Variants in SPIRE1 observed in about 807,000 individuals in gnomAD.
SPIRE1 encodes the protein spire type actin nucleation factor 1, also known as protein spire homolog 1.
A neutral mutation model predicts 94.1 loss-of-function variants in SPIRE1; 40 were observed. The observed-to-expected ratio is 0.43, with a 90% confidence interval of 0.33 to 0.55. The LOEUF (loss-of-function observed/expected upper bound fraction) is 0.55, where lower values mean the gene tolerates loss of function less well. Ranked by LOEUF, SPIRE1 falls within the 20% of genes least tolerant of loss-of-function variation. The probability of loss-of-function intolerance (pLI) is 0.06; values close to 1 mark genes in which losing one functional copy is unlikely to be tolerated. For synonymous variants in SPIRE1, 376 were observed against 371.7 expected, an observed-to-expected ratio of 1.01 and a Z score of -0.13; for missense variants, 838 against 975.2, an observed-to-expected ratio of 0.86 and a Z score of 1.87.
intron 1 of SPIRE1, among the ~76,000 whole-genome samples, chr18:12,653,877 C>T (rs1046070235): frequency 1.3e-5 from 2 of 150,988 alleles, no homozygotes; most frequent in Non-Finnish European, 2.9e-5. Flanking sequence ...ACCCGGGAGG[C>T]GGAAGTGGCA....
At chr18:12,532,368 T>C (rs928730408) in intron 4 of SPIRE1, among the ~76,000 whole-genome samples, 2 of 152,232 alleles carry the variant, frequency 1.3e-5, no homozygotes, top group African/African-American at 4.8e-5. Context: ...ATAAGAAATT[T>C]AGTATAATTA....
intron 16 of SPIRE1, chr18:12,451,041 A>T: frequency 2.0e-6 from 1 of 494,312 alleles, no homozygotes; most frequent in Non-Finnish European, 3.6e-6. Context: ...GAGGAGGAGG[A>T]GGAGGAGGAT....
intron 2 of SPIRE1, among the ~76,000 whole-genome samples, chr18:12,556,458 C>T (rs991177689): frequency 2.6e-5 from 4 of 152,164 alleles, no homozygotes; most frequent in African/African-American, 9.7e-5. Context: ...TTCTTGGTCT[C>T]GCTGACTTCA....
chr18:12,568,075 A>G (rs1276726694), intron 2 of SPIRE1, among the ~76,000 whole-genome samples: 3 of 152,180 alleles, frequency 2.0e-5, no homozygotes, highest in Non-Finnish European at 4.4e-5. Context: ...AGGTTTCCCA[A>G]TTCAGTGACC....
intron 2 of SPIRE1, among the ~76,000 whole-genome samples, chr18:12,629,039 T>A (rs1390701311): frequency 6.6e-6 from 1 of 152,216 alleles, no homozygotes; most frequent in East Asian, 1.9e-4. Flanking sequence ...ACAAACCAGT[T>A]CTATCAAGAT....
intron 2 of SPIRE1, among the ~76,000 whole-genome samples, chr18:12,610,104 T>C: frequency 6.6e-6 from 1 of 151,256 alleles, no homozygotes; most frequent in Non-Finnish European, 1.5e-5. Flanking sequence ...AACTACCATA[T>C]ACCAACTGTC....
Position 12,545,975 on chromosome 18 carries a change from G to A in SPIRE1, c.603+699C>T, listed in dbSNP as rs549926356. On this transcript the variant is annotated intron_variant, in intron 3 of 16. Coordinates refer to ENST00000409402, the MANE Select transcript of SPIRE1 (RefSeq NM_001128626.2). ...AATCTGGGAACTATTATTAAATGCC[G>A]AATCACCGTTCTTTATTATTATTAT... is the stretch of plus-strand genomic sequence containing the variant. Among the ~76,000 whole-genome samples, 29 of 152,120 alleles carry A rather than the reference G, an allele frequency of 1.9e-4. 1 individual carries two copies. In the South Asian group the frequency reaches 5.2e-3, roughly 27 times the overall value.
At chr18:12,512,370 G>C in intron 5 of SPIRE1, 84 bp downstream of exon 5, 3 of 953,708 alleles carry the variant, frequency 3.1e-6, no homozygotes, top group Non-Finnish European at 4.8e-6. Context: ...CTGAGCAACA[G>C]AATGAGACTC....
At chr18:12,464,491 T>A (rs188726842) in intron 11 of SPIRE1, among the ~76,000 whole-genome samples, 3 of 152,226 alleles carry the variant, frequency 2.0e-5, no homozygotes, top group Admixed American at 1.3e-4. Context: ...TCTACACAGG[T>A]TTTTGGAGAT....
At chr18:12,513,939 G>T (rs2034117225) in intron 4 of SPIRE1, among the ~76,000 whole-genome samples, 1 of 152,136 alleles carries the variant, frequency 6.6e-6, no homozygotes, top group Non-Finnish European at 1.5e-5. Flanking sequence ...ACTTCCTGGG[G>T]CTCCAGTAAT....
Position 12,559,630 on chromosome 18 carries a change from G to A in SPIRE1, c.373-12726C>T, listed in dbSNP as rs368001066. The stretch of plus-strand genomic sequence containing the variant: ...AAGAGCGAGCGAGGGCTGCTAGCAC[G>A]TTGTCACCTCTCACTACTACAAGAA... On this transcript the variant is annotated intron_variant, in intron 2 of 16. Transcript: ENST00000409402. This position sits in a 1 kb window ranked among gnomAD's most constrained non-coding sequence, Gnocchi z 4.7. 1.8e-3 allele frequency among the ~76,000 whole-genome samples: 280 copies of A among 152,330 alleles called. 1 individual carries two copies. The highest frequency in any genetic ancestry group is 6.1e-3 in the African/African-American group (252 of 41,582).
chr18:12,636,046 C>A (rs2037916164), intron 1 of SPIRE1, among the ~76,000 whole-genome samples: 1 of 152,072 alleles, frequency 6.6e-6, no homozygotes, highest in Non-Finnish European at 1.5e-5. Context: ...GCACCCACCA[C>A]CATGCCCAGC....
intron 2 of SPIRE1, among the ~76,000 whole-genome samples, chr18:12,588,059 T>C (rs1379301584): frequency 1.3e-5 from 2 of 152,198 alleles, no homozygotes; most frequent in African/African-American, 4.8e-5. Context: ...TTACCTATTC[T>C]GGGCCATGTC....
At position 12,452,319 on chromosome 18, in the gene SPIRE1, C is replaced by T. The variant is rs1263117093; in HGVS notation, c.1948G>A (p.Glu650Lys). Residue 650 changes from glutamate (E) to lysine (K), a missense_variant, in exon 16 of 17, where the codon GAA becomes AAA. Physicochemically the swap from Glu to Lys is moderately conservative, Grantham distance 56. Coordinates refer to ENST00000409402, the MANE Select transcript of SPIRE1 (RefSeq NM_001128626.2). ...GGTTTTTCTGACCTCATACTACTTT[C>T]CCCTCTTTGCAGAGCAGAAGGTCCC... ...SLGPSALQRG[E>K]SSMRSEKPST... 1.2e-6 allele frequency: 2 copies of T among 1,614,034 alleles called. No individual in the cohort carries two copies. The highest frequency in any genetic ancestry group is 2.7e-5 in the African/African-American group (2 of 75,014).
chr18:12,616,229 TA>T (rs1450878230), intron 2 of SPIRE1, among the ~76,000 whole-genome samples: 1 of 152,174 alleles, frequency 6.6e-6, no homozygotes, highest in Non-Finnish European at 1.5e-5. Flanking sequence ...TAGTCATTAC[TA>T]AAGTTTGTTT....
chr18:12,596,127 A>T (rs1441864218), intron 2 of SPIRE1, among the ~76,000 whole-genome samples: 1 of 152,244 alleles, frequency 6.6e-6, no homozygotes, highest in African/African-American at 2.4e-5. Context: ...TCTGCAATCA[A>T]GTCTGACTGT....
chr18:12,642,475 G>A (rs920934606), intron 1 of SPIRE1, among the ~76,000 whole-genome samples: 1 of 152,006 alleles, frequency 6.6e-6, no homozygotes, highest in African/African-American at 2.4e-5. Flanking sequence ...GTCTCCCCTT[G>A]GACCTAGTAT....
chr18:12,554,991 T>A (rs1342056671), intron 2 of SPIRE1, among the ~76,000 whole-genome samples: 1 of 152,062 alleles, frequency 6.6e-6, no homozygotes, highest in Non-Finnish European at 1.5e-5. Flanking sequence ...AGAGTTCAAA[T>A]CCCCCACCCA....
intron 7 of SPIRE1, among the ~76,000 whole-genome samples, chr18:12,493,561 C>T (rs1228522965): frequency 2.0e-5 from 3 of 152,054 alleles, no homozygotes; most frequent in Admixed American, 2.0e-4. Context: ...CGTGTGCCAA[C>T]ATGCCTGGCT....
Sources: allele counts gnomAD v4.1 joint callset (sites outside exome capture counted in the v4.1 genomes callset), GRCh38; gene constraint gnomAD v4.1.1; non-coding constraint Gnocchi (gnomAD v3.1); transcripts MANE v1.5; gene names NCBI Gene and HGNC (gene_info 2026-07-23, HGNC 2026-07-21).